Variants in SMYD3 observed in about 807,000 individuals in gnomAD.
SMYD3 encodes the protein histone-lysine N-methyltransferase SMYD3.
SMYD3 carries 36 observed loss-of-function variants against 57.7 expected under a neutral mutation model. The ratio of observed to expected loss-of-function variants is 0.62; its 90% CI spans 0.48 to 0.82. The LOEUF is 0.82. Ranked by LOEUF, SMYD3 falls within the 40% of genes least tolerant of loss-of-function variation. The probability of loss-of-function intolerance (pLI) is 0.00; values close to 1 mark genes in which losing one functional copy is unlikely to be tolerated. For synonymous variants in SMYD3, 211 were observed against 195.0 expected (o/e 1.08, Z -0.68); for missense variants, 515 against 538.8 (o/e 0.96, Z 0.44).
At chr1:246,034,979 A>G (rs2059745533) in intron 5 of SMYD3, among the ~76,000 whole-genome samples, 1 of 152,194 alleles carries the variant, frequency 6.6e-6, no homozygotes, top group African/African-American at 2.4e-5. Context: ...ATATGCAGAC[A>G]GTATGAAGCG....
chr1:245,933,337 T>C (rs2056829168), intron 5 of SMYD3, among the ~76,000 whole-genome samples: 1 of 152,222 alleles, frequency 6.6e-6, no homozygotes, highest in Non-Finnish European at 1.5e-5. Context: ...ATGAATTCTT[T>C]CTAAAAATTA....
intron 5 of SMYD3, among the ~76,000 whole-genome samples, chr1:246,100,492 C>T (rs1573022005): frequency 6.6e-6 from 1 of 152,106 alleles, no homozygotes; most frequent in African/African-American, 2.4e-5. Flanking sequence ...CTCACTTTTT[C>T]CACAGATCTG....
Position 245,872,411 on chromosome 1 carries a change from A to G in SMYD3, c.814-8525T>C, listed in dbSNP as rs562631698. 4.9e-5 allele frequency among the ~76,000 whole-genome samples: 5 copies of G among 102,922 alleles called. No homozygotes were observed. In the South Asian group the frequency reaches 1.8e-3, roughly 36 times the overall value. 67.5% of individuals were successfully genotyped at this position (102,922 alleles called of 152,430 possible). ...CCCAGGATGGATGTCCTCTTCTCAG[A>G]TGAGAGAGCCCAGAGTTCCTGCCGC... On this transcript the variant is annotated intron_variant, in intron 8 of 11. Coordinates refer to ENST00000490107, the MANE Select transcript of SMYD3 (RefSeq NM_001167740.2).
At position 246,307,442 on chromosome 1, in the gene SMYD3, C is replaced by T. The variant is rs1197631; in HGVS notation, c.531+19759G>A. Reference sequence around the variant, plus strand: ...TTTTTTTTTTTTTTTTTTTTTGAGACGGAGTCTCGCTCTGTCGCCCAGGCT... The same window carrying T: ...TTTTTTTTTTTTTTTTTTTTTGAGATGGAGTCTCGCTCTGTCGCCCAGGCT... On this transcript the variant is annotated intron_variant, in intron 5 of 11. Coordinates refer to ENST00000490107, the MANE Select transcript of SMYD3 (RefSeq NM_001167740.2). Among the ~76,000 whole-genome samples the T allele has an allele frequency of 2.0e-3, 227 of 111,026 alleles. 1 individual carries two copies. The highest frequency in any genetic ancestry group is 7.8e-3 in the African/African-American group (218 of 27,822). 72.8% of individuals were successfully genotyped at this position (111,026 alleles called of 152,430 possible). A position where few individuals can be genotyped will look rare whatever the true frequency, so the allele number is the denominator to read the frequency against.
intron 5 of SMYD3, chr1:246,113,852 T>C (rs2061296826): frequency 6.6e-6 from 1 of 152,146 alleles, no homozygotes; most frequent in Non-Finnish European, 1.5e-5. Context: ...AATAAACATA[T>C]CTGCTGAGAA....
intron 1 of SMYD3, among the ~76,000 whole-genome samples, chr1:246,379,915 A>T (rs2066359811): frequency 6.6e-6 from 1 of 151,704 alleles, no homozygotes; most frequent in Non-Finnish European, 1.5e-5. Context: ...CAGGAGAATC[A>T]CTTGAACCTG....
chr1:246,001,028 C>T (rs1310033828), intron 5 of SMYD3, among the ~76,000 whole-genome samples: 2 of 152,138 alleles, frequency 1.3e-5, no homozygotes, highest in African/African-American at 4.8e-5. Flanking sequence ...AATTATCAGC[C>T]CATTTACACC....
intron 5 of SMYD3, among the ~76,000 whole-genome samples, chr1:245,985,007 T>C (rs2058674435): frequency 1.3e-5 from 2 of 152,080 alleles, no homozygotes. Context: ...AATGGATACT[T>C]CTTAAGTCCC....
chr1:246,114,385 A>G (rs2061307660), intron 5 of SMYD3, among the ~76,000 whole-genome samples: 1 of 152,196 alleles, frequency 6.6e-6, no homozygotes, highest in Admixed American at 6.5e-5. Flanking sequence ...AGCACCAACA[A>G]GGAAGAGGCC....
chr1:246,325,792 T>C (rs1316931753), intron 5 of SMYD3: 1 of 152,194 alleles, frequency 6.6e-6, no homozygotes, highest in Non-Finnish European at 1.5e-5. Context: ...AGCCACAAAC[T>C]TAACACTAGG....
At chr1:245,909,214 A>G (rs2054793780) in intron 8 of SMYD3, among the ~76,000 whole-genome samples, 1 of 152,192 alleles carries the variant, frequency 6.6e-6, no homozygotes, top group African/African-American at 2.4e-5. Context: ...GAAGAAATGG[A>G]TAAATTCCCA....
intron 1 of SMYD3, 68 bp downstream of exon 1, chr1:246,506,986 G>A: frequency 5.1e-6 from 3 of 590,874 alleles, no homozygotes; most frequent in Non-Finnish European, 7.2e-6. Flanking sequence ...CCGGCCGCCC[G>A]ACGCCCCCCC....
At chr1:246,187,622 T>C (rs2062663215) in intron 5 of SMYD3, among the ~76,000 whole-genome samples, 2 of 152,218 alleles carry the variant, frequency 1.3e-5, no homozygotes, top group Non-Finnish European at 2.9e-5. Context: ...CTTTTAAATT[T>C]CTTAATTAAA....
intron 7 of SMYD3, among the ~76,000 whole-genome samples, chr1:245,916,284 G>A (rs2055413389): frequency 6.6e-6 from 1 of 152,134 alleles, no homozygotes; most frequent in South Asian, 2.1e-4. Context: ...TGCCTCGGAT[G>A]GTGAAGGGTT....
Position 246,354,961 on chromosome 1 carries a change from G to C in SMYD3, c.228+70C>G, listed in dbSNP as rs147676129. 8.4e-3 allele frequency: 11,676 copies of C among 1,384,322 alleles called. 63 individuals carry two copies. Among genetic ancestry groups the C allele is most frequent in the Non-Finnish European group, 0.011 (10,699 of 974,092 alleles). The allele number at this position is 1,384,322 out of a possible 1,614,324, so 85.8% of individuals were successfully genotyped here. A position where few individuals can be genotyped will look rare whatever the true frequency, so the allele number is the denominator to read the frequency against. ...TAAAGAAGTAGACACAGGCCAACAG[G>C]TATAGTGAAGGACAAATTTAAGAGT... On this transcript the variant is annotated intron_variant, in intron 2 of 11. Coordinates refer to ENST00000490107, the MANE Select transcript of SMYD3 (RefSeq NM_001167740.2).
chr1:246,177,635 G>A (rs1294991763), intron 5 of SMYD3, among the ~76,000 whole-genome samples: 3 of 152,076 alleles, frequency 2.0e-5, no homozygotes, highest in Non-Finnish European at 4.4e-5. Context: ...TGAAAGGTGG[G>A]GTCTAAAAAG....
chr1:246,216,121 C>G (rs1286446824), intron 5 of SMYD3, among the ~76,000 whole-genome samples: 1 of 151,914 alleles, frequency 6.6e-6, no homozygotes, highest in Non-Finnish European at 1.5e-5. Context: ...AACCCCGTCT[C>G]TACTAAAAAT....
At chr1:245,874,403 T>C (rs529045316) in intron 8 of SMYD3, among the ~76,000 whole-genome samples, 2 of 152,344 alleles carry the variant, frequency 1.3e-5, no homozygotes, top group South Asian at 4.1e-4. Context: ...GGGTCCACAA[T>C]GACAGCTTCA....
intron 5 of SMYD3, among the ~76,000 whole-genome samples, chr1:246,140,800 G>T (rs962284111): frequency 6.6e-6 from 1 of 151,994 alleles, no homozygotes; most frequent in Non-Finnish European, 1.5e-5. Context: ...TCACTATGTT[G>T]CCCAGGCTGC....
Sources: gnomAD v4.1 joint callset for allele counts (sites outside exome capture counted in the v4.1 genomes callset) on GRCh38, gnomAD v4.1.1 for gene constraint, MANE v1.5 for transcripts, NCBI Gene and HGNC (gene_info 2026-07-23, HGNC 2026-07-21) for gene names.